The following LOC400499 variants were observed in gnomAD, a reference collection of about 807,000 sequenced individuals.
At chr16:11,469,847 ACGGCCAGGGAGAAG>A in the LOC400499 span, among the ~76,000 whole-genome samples, 1 of 152,100 alleles carries the variant, frequency 6.6e-6, no homozygotes, top group Non-Finnish European at 1.5e-5. Context: ...TATTCAGCAA[ACGGCCAGGGAGAAG>A]CGGCTGCGGT....
chr16:11,496,593 G>A, the LOC400499 span, among the ~76,000 whole-genome samples: 2 of 152,296 alleles, frequency 1.3e-5, no homozygotes, highest in South Asian at 4.1e-4. Flanking sequence ...CCTGGTGGAT[G>A]CCTGTGCACA....
the LOC400499 span, among the ~76,000 whole-genome samples, chr16:11,458,287 A>C: frequency 2.0e-5 from 3 of 152,272 alleles, no homozygotes; most frequent in South Asian, 2.1e-4. Context: ...CAGAAGTTGT[A>C]GTAAGCCAAG....
At chr16:11,378,548 C>G in the LOC400499 span, among the ~76,000 whole-genome samples, 21 of 152,176 alleles carry the variant, frequency 1.4e-4, 1 homozygote, top group Non-Finnish European at 2.5e-4. Flanking sequence ...ACAGGTGGAG[C>G]CACTGCACCC....
At chr16:11,503,840 G>C in the LOC400499 span, among the ~76,000 whole-genome samples, 26 of 152,182 alleles carry the variant, frequency 1.7e-4, no homozygotes, top group Admixed American at 1.7e-3. Context: ...TGCCACCATC[G>C]CAGCTGGCCC....
the LOC400499 span, chr16:11,391,875 C>T: frequency 8.3e-7 from 1 of 1,202,930 alleles, no homozygotes. Context: ...GACAGGGAAA[C>T]CGAGGCAGAA....
the LOC400499 span, among the ~76,000 whole-genome samples, chr16:11,492,154 G>A: frequency 3.9e-5 from 6 of 152,114 alleles, no homozygotes; most frequent in Admixed American, 3.9e-4. Flanking sequence ...TCGCCACACA[G>A]GAGGCCTTTA....
At chr16:11,440,975 C>A in the LOC400499 span, 2 of 398,966 alleles carry the variant, frequency 5.0e-6, no homozygotes, top group Non-Finnish European at 8.8e-6. Context: ...CCAGGCTGTG[C>A]CGGATTTCCC....
At chr16:11,442,933 C>T in the LOC400499 span, among the ~76,000 whole-genome samples, 1 of 152,120 alleles carries the variant, frequency 6.6e-6, no homozygotes, top group African/African-American at 2.4e-5. Context: ...CACGCAGCCT[C>T]GTTTAACTAA....
chr16:11,378,287 G>A, the LOC400499 span, among the ~76,000 whole-genome samples: 1 of 144,542 alleles, frequency 6.9e-6, no homozygotes, highest in South Asian at 2.2e-4. Context: ...GGGGGGAGGT[G>A]GAGTCTAGCT....
chr16:11,476,870 C>T, the LOC400499 span: 190 of 399,708 alleles, frequency 4.8e-4, no homozygotes, highest in African/African-American at 3.1e-3. Context: ...GCGCTGCGGA[C>T]GCTGGTCACC....
the LOC400499 span, chr16:11,465,151 A>C: frequency 2.6e-5 from 4 of 152,334 alleles, no homozygotes; most frequent in Non-Finnish European, 4.4e-5. Context: ...GATCAAGTCT[A>C]AAGCTGCTAT....
chr16:11,415,477 C>T, the LOC400499 span, among the ~76,000 whole-genome samples: 1 of 152,188 alleles, frequency 6.6e-6, no homozygotes, highest in Non-Finnish European at 1.5e-5. Context: ...CAAGGGACAG[C>T]GTCCAGAGTG....
chr16:11,497,227 G>A, the LOC400499 span, among the ~76,000 whole-genome samples: 2 of 152,116 alleles, frequency 1.3e-5, no homozygotes, highest in Non-Finnish European at 2.9e-5. Flanking sequence ...GTGTGTACAC[G>A]TGCGCTCAGG....
At chr16:11,381,678 G>C in the LOC400499 span, among the ~76,000 whole-genome samples, 1 of 152,126 alleles carries the variant, frequency 6.6e-6, no homozygotes, top group African/African-American at 2.4e-5. Flanking sequence ...AGTGCTGAGA[G>C]GCTTTTTCAT....
the LOC400499 span, chr16:11,399,540 C>A: frequency 7.5e-6 from 3 of 398,700 alleles, no homozygotes; most frequent in Non-Finnish European, 1.3e-5. Context: ...ACGAACACAG[C>A]TGGGGTCTGC....
chr16:11,398,832 T>A, the LOC400499 span, among the ~76,000 whole-genome samples: 8 of 152,194 alleles, frequency 5.3e-5, no homozygotes, highest in African/African-American at 1.9e-4. Context: ...GTTTTTTTTT[T>A]AATTCTTTAG....
the LOC400499 span, among the ~76,000 whole-genome samples, chr16:11,486,243 T>G: frequency 8.2e-6 from 1 of 122,212 alleles, no homozygotes; most frequent in African/African-American, 3.6e-5. Flanking sequence ...GTTTGGTAAA[T>G]GGATTGAGTG....
chr16:11,482,276 G>A, the LOC400499 span, among the ~76,000 whole-genome samples: 1 of 152,190 alleles, frequency 6.6e-6, no homozygotes, highest in African/African-American at 2.4e-5. Flanking sequence ...GGCTGAGCCA[G>A]GGGACTCCCT....
At chr16:11,396,492 C>A in the LOC400499 span, 1 of 1,232,124 alleles carries the variant, frequency 8.1e-7, no homozygotes, top group Non-Finnish European at 1.0e-6. Context: ...GGACTGTCAG[C>A]CCCATCCTGG....
Sources: allele counts gnomAD v4.1 joint callset (sites outside exome capture counted in the v4.1 genomes callset), GRCh38; gene constraint gnomAD v4.1.1; transcripts MANE v1.5.